Variants in PDE1C observed in about 807,000 individuals in gnomAD.
The protein encoded by PDE1C is dual specificity calcium/calmodulin-dependent 3',5'-cyclic nucleotide phosphodiesterase 1C.
A neutral mutation model predicts 93.1 loss-of-function variants in PDE1C; 62 were observed. That is an observed-to-expected ratio of 0.67 (90% CI 0.54 to 0.82). The LOEUF is 0.82. Ranked by LOEUF, PDE1C falls within the 40% of genes least tolerant of loss-of-function variation. PDE1C has a pLI of 0.00. For synonymous variants in PDE1C, 325 were observed against 310.1 expected (o/e 1.05, Z -0.50); for missense variants, 742 against 884.6 (o/e 0.84, Z 2.04).
chr7:32,127,753 C>T (rs1799666331), intron 3 of PDE1C, among the ~76,000 whole-genome samples: 1 of 151,966 alleles, frequency 6.6e-6, no homozygotes, highest in Admixed American at 6.6e-5. Context: ...AAGAAGAACA[C>T]ATCAGTTCCT....
At chr7:32,199,205 T>C (rs2159238) in intron 2 of PDE1C, among the ~76,000 whole-genome samples, 148,603 of 152,216 alleles carry the variant, frequency 0.98, 72,647 homozygotes, top group Middle Eastern at 1. Flanking sequence ...CTTCAATTAT[T>C]TTTGGTGTTT....
intron 1 of PDE1C, among the ~76,000 whole-genome samples, chr7:32,272,475 T>A (rs1002932763): frequency 7.2e-5 from 11 of 152,256 alleles, no homozygotes; most frequent in Admixed American, 4.6e-4. Flanking sequence ...TAAACATTCA[T>A]TTGCACAAAT....
At chr7:32,128,191 T>A (rs1220842056) in intron 3 of PDE1C, among the ~76,000 whole-genome samples, 1 of 151,680 alleles carries the variant, frequency 6.6e-6, no homozygotes, top group Non-Finnish European at 1.5e-5. Context: ...GTGCCTATTG[T>A]ATGTAAGACA....
intron 2 of PDE1C, among the ~76,000 whole-genome samples, chr7:32,003,135 G>A (rs1425764282): frequency 2.0e-5 from 3 of 152,142 alleles, no homozygotes; most frequent in African/African-American, 7.2e-5. Context: ...CCCAGCCTAC[G>A]ACAGAGCTAC....
intron 1 of PDE1C, among the ~76,000 whole-genome samples, chr7:32,287,605 G>A (rs1275387892): frequency 6.6e-6 from 1 of 152,236 alleles, no homozygotes; most frequent in Non-Finnish European, 1.5e-5. Flanking sequence ...CATAAAGAAT[G>A]CACTCCATAA....
At chr7:31,955,526 A>G (rs937623987) in intron 2 of PDE1C, among the ~76,000 whole-genome samples, 3 of 152,198 alleles carry the variant, frequency 2.0e-5, no homozygotes, top group Admixed American at 6.5e-5. Flanking sequence ...AGTAGGTTCA[A>G]TAATAGGAAT....
At chr7:31,717,533 A>G in the PDE1C span, among the ~76,000 whole-genome samples, 2 of 152,194 alleles carry the variant, frequency 1.3e-5, no homozygotes, top group Non-Finnish European at 2.9e-5. Flanking sequence ...CCAGAAAGTA[A>G]GAAGAAATAT....
chr7:32,287,962 G>T lies in PDE1C; in HGVS notation c.85+10689C>A, dbSNP rs192463802. On this transcript the variant is annotated intron_variant, in intron 1 of 18. Coordinates refer to the PDE1C transcript ENST00000396193. Reference sequence around the variant, plus strand: ...TCACACCTGTAATCCCAACACTTTAGGAGGCCTAGGCAGGCAGATCACTTG... The same window carrying T: ...TCACACCTGTAATCCCAACACTTTATGAGGCCTAGGCAGGCAGATCACTTG... Among the ~76,000 whole-genome samples, 957 of 152,298 alleles carry T rather than the reference G, an allele frequency of 6.3e-3. 6 individuals carry two copies. The highest frequency in any genetic ancestry group is 0.022 in the African/African-American group (918 of 41,564).
chr7:31,885,183 A>T (rs557126747), intron 2 of PDE1C, among the ~76,000 whole-genome samples: 35 of 152,300 alleles, frequency 2.3e-4, no homozygotes, highest in African/African-American at 7.5e-4. Context: ...GAGCATTTGA[A>T]ATAAATTTAC....
chr7:32,420,123 A>ATATATATATG lies in PDE1C; in HGVS notation c.310+7698_310+7699insCATATATATA, dbSNP rs1432430238. Among the ~76,000 whole-genome samples the ATATATATATG allele has an allele frequency of 2.7e-4, 6 of 22,472 alleles. No individual in the cohort carries two copies. In the South Asian group the frequency reaches 4.7e-3, roughly 18 times the overall value. 14.7% of individuals were successfully genotyped at this position (22,472 alleles called of 152,430 possible). A position where few individuals can be genotyped will look rare whatever the true frequency, so the allele number is the denominator to read the frequency against. On this transcript the variant is annotated intron_variant, in intron 1 of 1. Coordinates refer to the PDE1C transcript ENST00000672256. The stretch of plus-strand genomic sequence containing the variant: ...TATATATATATATATATATATATAT[A>ATATATATATG]TACACACACACACACACACACACAC...
At chr7:32,217,429 A>T (rs953406053) in intron 1 of PDE1C, among the ~76,000 whole-genome samples, 3 of 152,068 alleles carry the variant, frequency 2.0e-5, no homozygotes, top group Admixed American at 6.5e-5. Context: ...TTGCGTGAGG[A>T]TCAATAGTAA....
At chr7:31,642,923 A>G in the PDE1C span, 1 of 1,614,044 alleles carries the variant, frequency 6.2e-7, no homozygotes, top group Middle Eastern at 1.6e-4. Flanking sequence ...CCAGAGCTGT[A>G]TATCCCAGAC....
intron 6 of PDE1C, among the ~76,000 whole-genome samples, chr7:31,870,063 G>A (rs1417666107): frequency 1.3e-5 from 2 of 152,006 alleles, no homozygotes; most frequent in Non-Finnish European, 1.5e-5. Context: ...TAAGGCAAAT[G>A]AAAATCTAAA....
chr7:31,859,013 T>C (rs1032574851), intron 7 of PDE1C, among the ~76,000 whole-genome samples: 1 of 151,086 alleles, frequency 6.6e-6, no homozygotes, highest in Non-Finnish European at 1.5e-5. Flanking sequence ...TGAAAAAAAA[T>C]TTTAACTGTT....
intron 1 of PDE1C, among the ~76,000 whole-genome samples, chr7:32,294,967 A>G (rs1261862810): frequency 2.6e-5 from 4 of 152,216 alleles, no homozygotes; most frequent in Non-Finnish European, 5.9e-5. Flanking sequence ...CATGTGTTCA[A>G]TCTTAGTCTT....
chr7:31,883,082 C>T (rs894685479), intron 2 of PDE1C, among the ~76,000 whole-genome samples: 9 of 152,158 alleles, frequency 5.9e-5, no homozygotes, highest in African/African-American at 2.2e-4. Flanking sequence ...TGGCCATCTA[C>T]TTCTATCATG....
intron 1 of PDE1C, among the ~76,000 whole-genome samples, chr7:32,332,460 T>G (rs772003325): frequency 1.1e-4 from 17 of 152,152 alleles, no homozygotes; most frequent in Non-Finnish European, 2.1e-4. Flanking sequence ...ACAGGTTTTT[T>G]TTTTTAATTT....
intron 1 of PDE1C, among the ~76,000 whole-genome samples, chr7:32,068,961 G>A (rs1010913175): frequency 6.6e-6 from 1 of 152,194 alleles, no homozygotes; most frequent in East Asian, 1.9e-4. Context: ...ACACCACTCC[G>A]AGAGCTGCTG....
intron 1 of PDE1C, among the ~76,000 whole-genome samples, chr7:32,234,183 T>C (rs191560907): frequency 6.6e-5 from 10 of 152,026 alleles, no homozygotes; most frequent in Admixed American, 1.3e-4. Flanking sequence ...ATCAAATATT[T>C]TATTAGGAAA....
Sources: gnomAD v4.1 joint callset for allele counts (sites outside exome capture counted in the v4.1 genomes callset) on GRCh38, gnomAD v4.1.1 for gene constraint, MANE v1.5 for transcripts, NCBI Gene and HGNC (gene_info 2026-07-23, HGNC 2026-07-21) for gene names.